NEO1: variants seen among roughly 807,000 people sequenced by gnomAD.
NEO1 encodes the protein neogenin 1.
NEO1 carries 63 observed loss-of-function variants against 159.7 expected under a neutral mutation model. The ratio of observed to expected loss-of-function variants is 0.39; its 90% CI spans 0.32 to 0.49. NEO1 has a LOEUF of 0.49. NEO1 is among the 20% of genes least tolerant of loss of function. The probability of loss-of-function intolerance (pLI) is 0.85; values close to 1 mark genes in which losing one functional copy is unlikely to be tolerated. For synonymous variants in NEO1, 633 were observed against 662.0 expected, an observed-to-expected ratio of 0.96 and a Z score of 0.67; for missense variants, 1,615 against 1,831.0, an observed-to-expected ratio of 0.88 and a Z score of 2.15.
At chr15:73,141,217 T>C (rs1362055479) in intron 5 of NEO1, among the ~76,000 whole-genome samples, 1 of 152,248 alleles carries the variant, frequency 6.6e-6, no homozygotes, top group Admixed American at 6.5e-5. Flanking sequence ...GTTGGAGAGA[T>C]ATATATAAAT....
intron 5 of NEO1, among the ~76,000 whole-genome samples, chr15:73,158,208 CTTTTTTT>C (rs1047852394): frequency 4.8e-5 from 4 of 82,546 alleles, no homozygotes; most frequent in Middle Eastern, 0.02. Flanking sequence ...GAGTGAGACT[CTTTTTTT>C]TTTTTTTTTT....
chr15:73,174,519 T>TA (rs1220383741), intron 5 of NEO1, among the ~76,000 whole-genome samples: 1 of 152,082 alleles, frequency 6.6e-6, no homozygotes, highest in Non-Finnish European at 1.5e-5. Context: ...TAGAGAAACT[T>TA]ACAGGAGGGT....
intron 7 of NEO1, among the ~76,000 whole-genome samples, chr15:73,206,833 GTA>G (rs747079199): frequency 4.4e-3 from 171 of 39,266 alleles, no homozygotes; most frequent in Non-Finnish European, 0.017. Context: ...GTGTGTGTGT[GTA>G]TGTGTGTGTG....
intron 4 of NEO1, among the ~76,000 whole-genome samples, chr15:73,132,590 A>G (rs1374372066): frequency 6.6e-6 from 1 of 152,244 alleles, no homozygotes; most frequent in African/African-American, 2.4e-5. Flanking sequence ...TCAGTAGAGT[A>G]AACAGACAAC....
chr15:73,186,793 A>G (rs1267795628), intron 7 of NEO1, among the ~76,000 whole-genome samples: 2 of 152,160 alleles, frequency 1.3e-5, no homozygotes. Flanking sequence ...ACACGCAACA[A>G]AATTTTCTGT....
At chr15:73,132,554 A>T (rs2031262876) in intron 4 of NEO1, among the ~76,000 whole-genome samples, 1 of 152,204 alleles carries the variant, frequency 6.6e-6, no homozygotes, top group Non-Finnish European at 1.5e-5. Context: ...TTAATTTAAA[A>T]AGCTTCCACA....
chr15:73,301,710 C>T (rs2042623990), intron 28 of NEO1, among the ~76,000 whole-genome samples: 1 of 152,102 alleles, frequency 6.6e-6, no homozygotes, highest in Non-Finnish European at 1.5e-5. Context: ...CTCTGTCTCC[C>T]AGGCTGGAAT....
At chr15:73,257,676 C>G (rs1166671107) in intron 13 of NEO1, among the ~76,000 whole-genome samples, 1 of 152,146 alleles carries the variant, frequency 6.6e-6, no homozygotes, top group Non-Finnish European at 1.5e-5. Flanking sequence ...TAGTTGTAGT[C>G]TATAAACTCT....
At chr15:73,069,125 A>ATTTTTTTTTT (rs962027800) in intron 1 of NEO1, among the ~76,000 whole-genome samples, 20 of 105,410 alleles carry the variant, frequency 1.9e-4, no homozygotes, top group Non-Finnish European at 2.9e-4. Context: ...TAATTTTTGT[A>ATTTTTTTTTT]TTTTTTTTTT....
intron 1 of NEO1, among the ~76,000 whole-genome samples, chr15:73,077,091 T>C (rs943493598): frequency 1.2e-4 from 19 of 152,336 alleles, no homozygotes; most frequent in Middle Eastern, 3.4e-3. Flanking sequence ...TGGCACAGGC[T>C]GGAGTGTAGT....
At chr15:73,083,736 G>A (rs964404218) in intron 1 of NEO1, among the ~76,000 whole-genome samples, 5 of 152,068 alleles carry the variant, frequency 3.3e-5, no homozygotes, top group African/African-American at 1.2e-4. Context: ...TCTGCCTTAT[G>A]TTCCTTATTA....
In NEO1 at chr15:73,074,504, T is replaced by A. The variant is rs1461269411; in HGVS notation, c.130+21699T>A. Among the ~76,000 whole-genome samples the A allele has an allele frequency of 2.0e-5, 3 of 152,246 alleles. No homozygotes were observed. In the South Asian group the frequency reaches 6.2e-4, roughly 31 times the overall value. ...GTTTCTTTTTCTTATGCTTTATTTC[T>A]GTGACTCATACGGAGCTGTTAGAAG... On this transcript the variant is annotated intron_variant, in intron 1 of 28. Coordinates refer to ENST00000261908, the MANE Select transcript of NEO1 (RefSeq NM_002499.4).
intron 26 of NEO1, among the ~76,000 whole-genome samples, chr15:73,295,059 G>A (rs1003892862): frequency 7.4e-5 from 11 of 148,854 alleles, no homozygotes; most frequent in African/African-American, 2.2e-4. Flanking sequence ...CAGGAGGATC[G>A]CTTGAGCCCA....
At position 73,111,124 on chromosome 15, in the gene NEO1, C is replaced by T. The variant is rs375273821; in HGVS notation, c.131-5416C>T. Among the ~76,000 whole-genome samples, 51 of 152,308 alleles carry T rather than the reference C, an allele frequency of 3.3e-4. 2 individuals carry two copies. The South Asian group carries it at 0.01, about 30-fold the overall frequency. ...CTCTTTTGGCAGCTCAAACCCACTA[C>T]TCTCCCCAGGGAGAAAACAATGTTA... On this transcript the variant is annotated intron_variant, in intron 1 of 28. Coordinates refer to ENST00000261908, the MANE Select transcript of NEO1 (RefSeq NM_002499.4).
chr15:73,099,242 G>A (rs1448447936), intron 1 of NEO1, among the ~76,000 whole-genome samples: 1 of 151,974 alleles, frequency 6.6e-6, no homozygotes, highest in Non-Finnish European at 1.5e-5. Context: ...ATATTATTTT[G>A]TATCACAAGT....
At chr15:73,248,186 G>A (rs1351478935) in intron 9 of NEO1, among the ~76,000 whole-genome samples, 1 of 152,162 alleles carries the variant, frequency 6.6e-6, no homozygotes, top group Non-Finnish European at 1.5e-5. Context: ...ATAAATGGTA[G>A]CTGTTTTACA....
rs1480322227 is a variant in NEO1 at position 73,270,159 on chromosome 15, C to T, written c.2644C>T (p.His882Tyr). Residue 882 changes from histidine to tyrosine, a missense_variant, in exon 17 of 29, where the codon CAC (histidine) becomes TAC (tyrosine). Transcript: ENST00000261908. ...ITWADNSLPKHQKITDSRYYT... is the reference protein window; with the variant it reads ...ITWADNSLPKYQKITDSRYYT... ...GTGGGCAGACAACTCGCTGCCCAAG[C>T]ACCAGAAGATTACAGACTCCCGATA... is the stretch of plus-strand genomic sequence containing the variant. The T allele has an allele frequency of 1.2e-6, 2 of 1,613,868 alleles. No homozygotes were observed. Among genetic ancestry groups the T allele is most frequent in the African/African-American group, 2.7e-5 (2 of 74,818 alleles).
At chr15:73,066,075 A>G (rs2068202066) in intron 1 of NEO1, among the ~76,000 whole-genome samples, 1 of 142,846 alleles carries the variant, frequency 7.0e-6, no homozygotes, top group Admixed American at 7.6e-5. Context: ...TCTGTCACCC[A>G]GGCTGGAGTG....
intron 1 of NEO1, among the ~76,000 whole-genome samples, chr15:73,081,880 T>TC (rs1162581499): frequency 6.6e-6 from 1 of 151,032 alleles, no homozygotes; most frequent in Non-Finnish European, 1.5e-5. Context: ...TTTTTTTTTT[T>TC]TTTTGAGATG....
Sources: gnomAD v4.1 joint callset for allele counts (sites outside exome capture counted in the v4.1 genomes callset) on GRCh38, gnomAD v4.1.1 for gene constraint, MANE v1.5 for transcripts, NCBI Gene and HGNC (gene_info 2026-07-23, HGNC 2026-07-21) for gene names.